The following ARMC3 variants were observed in gnomAD, a reference collection of about 807,000 sequenced individuals.
ARMC3 encodes armadillo repeat-containing protein 3.
A neutral mutation model predicts 90.3 loss-of-function variants in ARMC3; 74 were observed. The observed-to-expected ratio is 0.82, with a 90% CI of 0.68 to 0.99. The LOEUF (loss-of-function observed/expected upper bound fraction) is 0.99, where lower values mean the gene tolerates loss of function less well. Ranked by LOEUF, ARMC3 falls within the 50% of genes least tolerant of loss-of-function variation. The pLI is 0.00. For missense variants in ARMC3, 958 were observed against 1,042.8 expected (o/e 0.92, Z 1.12); for synonymous variants, 334 against 361.8 (o/e 0.92, Z 0.87).
intron 16 of ARMC3, among the ~76,000 whole-genome samples, chr10:23,019,596 T>A (rs1439760421): frequency 2.0e-5 from 3 of 152,180 alleles, no homozygotes; most frequent in Non-Finnish European, 4.4e-5. Context: ...TAGGCTGGAG[T>A]GCAGTGGTGT....
intron 18 of ARMC3, 114 bp downstream of exon 18, chr10:23,033,137 A>G (rs1838983768): frequency 2.0e-6 from 2 of 978,380 alleles, no homozygotes; most frequent in South Asian, 3.1e-5. Flanking sequence ...TACCATTTAG[A>G]TTTATTTATA....
Position 22,953,668 on chromosome 10 carries a change from A to C in ARMC3, c.167-2139A>C, listed in dbSNP as rs188814339. 1.7e-4 allele frequency among the ~76,000 whole-genome samples: 26 copies of C among 152,348 alleles called. No homozygotes were observed. In the East Asian group the frequency reaches 4.8e-3, roughly 28 times the overall value. ...TCACCTTTATTCAACATTGTATGGG[A>C]GATTCTAGCCAATGCAATCAGGCAA... On this transcript the variant is annotated intron_variant, in intron 3 of 18. Coordinates refer to ENST00000298032, the MANE Select transcript of ARMC3 (RefSeq NM_173081.5).
Position 22,946,181 on chromosome 10 carries a change from C to T in ARMC3, c.86C>T (p.Thr29Ile). ...PLMIESKKAA[T>I]VVLMLNSPEE... ...ATGATTGAAAGCAAAAAAGCAGCAA[C>T]TGTGGTGTTAATGCTTAATTCTCCA... is the stretch of plus-strand genomic sequence containing the variant. Residue 29 changes from threonine (T) to isoleucine (I), a missense_variant, in exon 3 of 19, where the codon ACT (threonine) becomes ATT (isoleucine). Transcript: ENST00000298032. 1 of 1,612,740 alleles carries T rather than the reference C, an allele frequency of 6.2e-7. No homozygotes were observed. Among genetic ancestry groups the T allele is most frequent in the Non-Finnish European group, 8.5e-7 (1 of 1,179,512 alleles).
chr10:22,949,387 A>G (rs1159986573), intron 3 of ARMC3, among the ~76,000 whole-genome samples: 3 of 152,202 alleles, frequency 2.0e-5, no homozygotes, highest in Non-Finnish European at 4.4e-5. Flanking sequence ...ACTGTATTCT[A>G]TATGTTTAGA....
chr10:22,933,729 CA>C (rs1310747081), intron 2 of ARMC3, among the ~76,000 whole-genome samples: 1 of 151,982 alleles, frequency 6.6e-6, no homozygotes, highest in Admixed American at 6.6e-5. Flanking sequence ...ACTAAAAATA[CA>C]AAAAATTAGC....
intron 6 of ARMC3, chr10:22,960,930 C>T (rs945095664): frequency 6.6e-6 from 1 of 152,266 alleles, no homozygotes; most frequent in African/African-American, 2.4e-5. Context: ...TTGTCTCTCT[C>T]TCCTAAGGAC....
chr10:22,985,631 C>G (rs1233609478), intron 10 of ARMC3, among the ~76,000 whole-genome samples: 1 of 152,166 alleles, frequency 6.6e-6, no homozygotes, highest in Admixed American at 6.5e-5. Flanking sequence ...CCATTCCCTA[C>G]CCCCACAGAT....
chr10:22,975,671 A>AT (rs947746660), intron 8 of ARMC3, among the ~76,000 whole-genome samples: 2 of 152,118 alleles, frequency 1.3e-5, no homozygotes, highest in Non-Finnish European at 2.9e-5. Flanking sequence ...TTAAGGTAGA[A>AT]TTTTTTATCC....
chr10:23,003,558 T>C (rs1474355879), intron 13 of ARMC3, 144 bp downstream of exon 13: 2 of 741,694 alleles, frequency 2.7e-6, no homozygotes, highest in Non-Finnish European at 4.1e-6. Context: ...ACTTCATTCT[T>C]AACTTTAGTT....
intron 7 of ARMC3, 40 bp downstream of exon 7, chr10:22,962,118 T>C (rs1835225649): frequency 1.4e-6 from 2 of 1,388,016 alleles, no homozygotes; most frequent in Non-Finnish European, 1.9e-6. Flanking sequence ...TGAGGAAATG[T>C]ATCTCTCCCA....
intron 16 of ARMC3, among the ~76,000 whole-genome samples, chr10:23,024,411 TAGATAGATAGAC>T (rs1052334006): frequency 2.2e-4 from 28 of 127,062 alleles, no homozygotes; most frequent in East Asian, 6.7e-4. Context: ...GATAGATAGA[TAGATAGATAGAC>T]AGATAGATAG....
At chr10:22,983,952 C>T (rs547828053) in intron 10 of ARMC3, among the ~76,000 whole-genome samples, 2 of 152,244 alleles carry the variant, frequency 1.3e-5, no homozygotes, top group East Asian at 1.9e-4. Flanking sequence ...CTTTTAGTAG[C>T]GGTCCATTCA....
chr10:22,963,351 G>A (rs1377992846), intron 7 of ARMC3, among the ~76,000 whole-genome samples: 2 of 152,128 alleles, frequency 1.3e-5, no homozygotes, highest in South Asian at 2.1e-4. Context: ...CTTGCCTACG[G>A]TTAGAGCTAG....
intron 10 of ARMC3, among the ~76,000 whole-genome samples, chr10:22,996,663 C>A (rs1382804764): frequency 6.6e-6 from 1 of 152,130 alleles, no homozygotes; most frequent in African/African-American, 2.4e-5. Flanking sequence ...GAGCTGCTGT[C>A]CCTCTTCATT....
At chr10:22,934,822 A>G (rs1297306865) in intron 2 of ARMC3, among the ~76,000 whole-genome samples, 2 of 152,118 alleles carry the variant, frequency 1.3e-5, no homozygotes, top group African/African-American at 4.8e-5. Flanking sequence ...ATTATTAATG[A>G]TATAGTTGAG....
chr10:22,980,256 A>G (rs1361786288), intron 8 of ARMC3, among the ~76,000 whole-genome samples: 2 of 152,134 alleles, frequency 1.3e-5, no homozygotes, highest in African/African-American at 4.8e-5. Flanking sequence ...AGTGCATATC[A>G]CACATTCTTC....
At chr10:22,963,113 T>G (rs1434209061) in intron 7 of ARMC3, among the ~76,000 whole-genome samples, 1 of 152,146 alleles carries the variant, frequency 6.6e-6, no homozygotes, top group African/African-American at 2.4e-5. Flanking sequence ...CTATCTGATA[T>G]TTTACCTGTC....
chr10:22,986,551 CA>C (rs774609003), intron 10 of ARMC3, among the ~76,000 whole-genome samples: 20 of 85,794 alleles, frequency 2.3e-4, no homozygotes, highest in Middle Eastern at 6.3e-3. Flanking sequence ...GACTCCATCT[CA>C]AAAAAAAAAA....
intron 10 of ARMC3, among the ~76,000 whole-genome samples, chr10:22,993,909 C>G (rs1240049868): frequency 6.6e-6 from 1 of 152,202 alleles, no homozygotes; most frequent in Non-Finnish European, 1.5e-5. Context: ...AATTTTTCCT[C>G]AGTGATGTTC....
Sources: gnomAD v4.1 joint callset for allele counts (sites outside exome capture counted in the v4.1 genomes callset) on GRCh38, gnomAD v4.1.1 for gene constraint, MANE v1.5 for transcripts, NCBI Gene and HGNC (gene_info 2026-07-23, HGNC 2026-07-21) for gene names.